The following ZNF254 variants were observed in gnomAD, a reference collection of about 807,000 sequenced individuals.
ZNF254 encodes the protein CTD-2017D11.1.
ZNF254 carries 10 observed loss-of-function variants against 12.4 expected under a neutral mutation model. The observed-to-expected ratio is 0.80, with a 90% CI of 0.50 to 1.36. The LOEUF is 1.36. Among genes scored for constraint, ZNF254 ranks in the 40% most tolerant of loss-of-function variants. The pLI is 0.00. For missense variants in ZNF254, 996 were observed against 763.9 expected (o/e 1.30, Z -3.58); for synonymous variants, 305 against 253.4 (o/e 1.20, Z -1.93).
chr19:24,107,084 C>T (rs1973393168), intron 3 of ZNF254: 2 of 452,566 alleles, frequency 4.4e-6, no homozygotes, highest in East Asian at 3.5e-5. Flanking sequence ...CTGCACATTT[C>T]ATCCTGTTTT....
chr19:24,120,636 G>T (rs1974411934), intron 3 of ZNF254, among the ~76,000 whole-genome samples: 1 of 151,488 alleles, frequency 6.6e-6, no homozygotes, highest in African/African-American at 2.4e-5. Flanking sequence ...AAATAAAATT[G>T]ACTCATTTTA....
intron 2 of ZNF254, among the ~76,000 whole-genome samples, chr19:24,046,679 T>C (rs545334461): frequency 6.6e-6 from 1 of 152,148 alleles, no homozygotes; most frequent in African/African-American, 2.4e-5. Context: ...AGTCACAATG[T>C]GAACAACAAT....
intron 2 of ZNF254, chr19:24,080,782 A>C (rs1416564538): frequency 6.6e-6 from 1 of 150,398 alleles, no homozygotes; most frequent in African/African-American, 2.4e-5. Context: ...CGTCTCAAAA[A>C]AAAAAAAAAA....
intron 2 of ZNF254, chr19:24,079,029 G>C (rs1042235272): frequency 2.6e-5 from 4 of 152,142 alleles, no homozygotes; most frequent in African/African-American, 9.7e-5. Flanking sequence ...GTTTCAGAAA[G>C]ATACAGGAAA....
rs753743246 is a variant in ZNF254, at chr19:24,127,201, G to A, written c.1201G>A (p.Val401Ile). Residue 401 changes from valine (V) to isoleucine (I), a missense_variant, in exon 4 of 4, where the codon GTT (valine) becomes ATT (isoleucine). Coordinates refer to ENST00000357002, the MANE Select transcript of ZNF254 (RefSeq NM_203282.4). The part of the protein sequence containing the change: ...STLTTHKIIH[V>I]GEKLYKCEEC... ...TCTTACTACACATAAAATAATTCAT[G>A]TTGGAGAGAAACTCTACAAATGTGA... The A allele has an allele frequency of 4.3e-6, 7 of 1,612,286 alleles. No individual in the cohort carries two copies. In the African/African-American group the frequency reaches 8.0e-5, roughly 19 times the overall value.
intron 1 of ZNF254, among the ~76,000 whole-genome samples, chr19:24,038,017 G>A (rs1030230080): frequency 5.9e-5 from 9 of 152,178 alleles, no homozygotes; most frequent in Non-Finnish European, 1.2e-4. Context: ...AAAGTCCTGG[G>A]ATTACAAGCG....
intron 1 of ZNF254, 142 bp from the exon 2 acceptor site, chr19:24,105,798 G>A (rs1973303397): frequency 7.4e-7 from 1 of 1,347,580 alleles, no homozygotes; most frequent in Non-Finnish European, 9.9e-7. Flanking sequence ...ATGTTCATGT[G>A]TTGACAATTA....
intron 3 of ZNF254, among the ~76,000 whole-genome samples, chr19:24,114,152 T>A (rs998940658): frequency 1.3e-5 from 2 of 152,132 alleles, no homozygotes; most frequent in Non-Finnish European, 2.9e-5. Context: ...ACCAATGATT[T>A]TCTTCAGAGA....
intron 3 of ZNF254, among the ~76,000 whole-genome samples, chr19:24,116,687 C>G (rs1326678150): frequency 6.6e-6 from 1 of 152,156 alleles, no homozygotes; most frequent in Non-Finnish European, 1.5e-5. Flanking sequence ...AAGGCTTCTT[C>G]TCTCAACTCG....
intron 2 of ZNF254, among the ~76,000 whole-genome samples, chr19:24,068,984 A>G (rs904191314): frequency 1.3e-5 from 2 of 152,032 alleles, no homozygotes; most frequent in South Asian, 4.1e-4. Flanking sequence ...TCAAGGGACA[A>G]AAACACTGAT....
At chr19:24,038,454 G>A (rs1274494031) in intron 1 of ZNF254, among the ~76,000 whole-genome samples, 1 of 152,128 alleles carries the variant, frequency 6.6e-6, no homozygotes, top group Non-Finnish European at 1.5e-5. Context: ...TCTCTTAGCA[G>A]TTTGCTTATA....
At position 24,129,332 on chromosome 19, in the gene ZNF254, C is replaced by T. The variant is rs1477141567; in HGVS notation, c.*1352C>T. 1 of 151,900 alleles carries T rather than the reference C, an allele frequency of 6.6e-6. No individual in the cohort carries two copies. The highest frequency in any genetic ancestry group is 2.4e-5 in the African/African-American group (1 of 41,398). 9.4% of individuals were successfully genotyped at this position (151,900 alleles called of 1,614,324 possible). ...TAGCTTTTCAATTCAACATTTTTAA[C>T]ATATTAAATACTATTGTGAATTCAA... On this transcript the variant is annotated 3_prime_UTR_variant, in exon 4 of 4. Coordinates refer to ENST00000357002, the MANE Select transcript of ZNF254 (RefSeq NM_203282.4).
At chr19:24,098,410 T>C (rs937308340) in intron 1 of ZNF254, 1 of 152,248 alleles carries the variant, frequency 6.6e-6, no homozygotes, top group Non-Finnish European at 1.5e-5. Context: ...ATCACAGTCA[T>C]ATTTTAATTT....
intron 2 of ZNF254, among the ~76,000 whole-genome samples, chr19:24,058,253 A>G (rs1282899448): frequency 6.6e-6 from 1 of 151,892 alleles, no homozygotes; most frequent in African/African-American, 2.4e-5. Flanking sequence ...TCCTGTTTGG[A>G]TTTAACCCAC....
intron 2 of ZNF254, among the ~76,000 whole-genome samples, chr19:24,077,526 G>C (rs1971700681): frequency 6.6e-6 from 1 of 152,244 alleles, no homozygotes; most frequent in Admixed American, 6.5e-5. Flanking sequence ...AGATGGACAG[G>C]TGTGTACCTG....
At chr19:24,111,388 T>C (rs917633696) in intron 3 of ZNF254, among the ~76,000 whole-genome samples, 10 of 152,194 alleles carry the variant, frequency 6.6e-5, no homozygotes, top group African/African-American at 2.4e-4. Context: ...GTCTTTGCTA[T>C]TGTGAATACT....
chr19:24,093,846 A>T (rs1018793257), intron 1 of ZNF254, among the ~76,000 whole-genome samples: 2 of 152,112 alleles, frequency 1.3e-5, no homozygotes, highest in African/African-American at 4.8e-5. Context: ...TTTGATTAGA[A>T]TAGCATTAAA....
chr19:24,042,441 A>G (rs566060853), intron 1 of ZNF254, among the ~76,000 whole-genome samples: 141 of 152,298 alleles, frequency 9.3e-4, no homozygotes, highest in African/African-American at 3.3e-3. Flanking sequence ...AACTCTTTGC[A>G]GTAAATCTTG....
At chr19:24,087,887 T>G (rs1292723910) in intron 1 of ZNF254, among the ~76,000 whole-genome samples, 2 of 150,342 alleles carry the variant, frequency 1.3e-5, no homozygotes, top group Non-Finnish European at 3.0e-5. Flanking sequence ...ATTGGCTAGG[T>G]ACAGCAATCT....
Sources: allele counts gnomAD v4.1 joint callset (sites outside exome capture counted in the v4.1 genomes callset), GRCh38; gene constraint gnomAD v4.1.1; transcripts MANE v1.5; gene names NCBI Gene and HGNC (gene_info 2026-07-23, HGNC 2026-07-21).